The following CDH18 variants were observed in gnomAD, a reference collection of about 807,000 sequenced individuals.
The protein encoded by CDH18 is cadherin 18.
CDH18 carries 31 observed loss-of-function variants against 67.9 expected under a neutral mutation model. The observed-to-expected ratio is 0.46, with a 90% CI of 0.34 to 0.62. The LOEUF (loss-of-function observed/expected upper bound fraction) is 0.62. CDH18 is among the 20% of genes least tolerant of loss of function. The probability of loss-of-function intolerance (pLI) is 0.01; values close to 1 mark genes in which losing one functional copy is unlikely to be tolerated. For missense variants in CDH18, 890 were observed against 975.5 expected, an observed-to-expected ratio of 0.91 and a Z score of 1.17; for synonymous variants, 362 against 347.2, an observed-to-expected ratio of 1.04 and a Z score of -0.48.
intron 3 of CDH18, among the ~76,000 whole-genome samples, chr5:19,810,440 G>A (rs753241551): frequency 1.3e-5 from 2 of 151,964 alleles, no homozygotes; most frequent in Non-Finnish European, 2.9e-5. Flanking sequence ...AAGAGCATAG[G>A]ATAATGATTT....
rs540113127 is a variant in CDH18, at chr5:20,305,514, C to T, written c.-579-50009G>A. ...GTCTTGGGTGCCGCGAAACCCGGGG[C>T]GCAGCGGCGCAGGGGTCTCGAGCGG... On this transcript the variant is annotated intron_variant, in intron 1 of 14. Coordinates refer to the CDH18 transcript ENST00000507958. 4.2e-6 allele frequency: 4 copies of T among 959,040 alleles called. No individual in the cohort carries two copies. The South Asian group carries it at 5.2e-5, about 12-fold the overall frequency. The allele number at this position is 959,040 out of a possible 1,614,324, so 59.4% of individuals were successfully genotyped here.
chr5:19,588,088 G>A (rs999739390), intron 7 of CDH18, among the ~76,000 whole-genome samples: 1 of 151,912 alleles, frequency 6.6e-6, no homozygotes, highest in African/African-American at 2.4e-5. Flanking sequence ...TTTTAGGCTT[G>A]CCTATTGTTG....
At chr5:20,388,003 A>C (rs1041663426) in intron 1 of CDH18, among the ~76,000 whole-genome samples, 7 of 152,124 alleles carry the variant, frequency 4.6e-5, no homozygotes, top group Admixed American at 2.6e-4. Context: ...ATCGATGTTC[A>C]TCAGGGATAT....
intron 9 of CDH18, among the ~76,000 whole-genome samples, chr5:19,523,171 T>C (rs1747200423): frequency 6.6e-6 from 1 of 152,162 alleles, no homozygotes; most frequent in Admixed American, 6.6e-5. Context: ...ATTGATCTTA[T>C]GTTACACTTA....
chr5:20,363,952 A>G (rs1481391361), intron 1 of CDH18, among the ~76,000 whole-genome samples: 2 of 152,180 alleles, frequency 1.3e-5, no homozygotes, highest in Non-Finnish European at 2.9e-5. Flanking sequence ...TAAGATTCCA[A>G]AAGATTAAGT....
intron 2 of CDH18, among the ~76,000 whole-genome samples, chr5:19,913,073 G>GA (rs1791332950): frequency 6.6e-6 from 1 of 151,960 alleles, no homozygotes; most frequent in Non-Finnish European, 1.5e-5. Context: ...AAAGAATCAA[G>GA]AAAAATGATA....
intron 2 of CDH18, among the ~76,000 whole-genome samples, chr5:20,147,461 A>G (rs1252018057): frequency 6.6e-6 from 1 of 152,164 alleles, no homozygotes; most frequent in Non-Finnish European, 1.5e-5. Flanking sequence ...AAAACATAAA[A>G]TAACAGATAA....
At chr5:19,961,099 A>G (rs1316120743) in intron 2 of CDH18, among the ~76,000 whole-genome samples, 5 of 124,830 alleles carry the variant, frequency 4.0e-5, no homozygotes, top group African/African-American at 1.6e-4. Context: ...ACTACATTAT[A>G]ATTTTTTTTT....
At chr5:19,864,145 T>C (rs1392861126) in intron 2 of CDH18, among the ~76,000 whole-genome samples, 2 of 149,704 alleles carry the variant, frequency 1.3e-5, no homozygotes. Flanking sequence ...CCAACAATGA[T>C]AGACTGGATT....
At position 20,066,339 on chromosome 5, in the gene CDH18, C is replaced by A. The variant is rs79789942; in HGVS notation, c.-517-74325G>T. On this transcript the variant is annotated intron_variant, in intron 2 of 14. Coordinates refer to the CDH18 transcript ENST00000507958. ...TACTGATCTTGATACCAGAAAAACG[C>A]TACACTTTAGAATTACCTAATAATC... Among the ~76,000 whole-genome samples the A allele has an allele frequency of 5.9e-3, 893 of 152,160 alleles. 16 individuals are homozygous for A. The highest frequency in any genetic ancestry group is 0.019 in the African/African-American group (803 of 41,550).
intron 2 of CDH18, among the ~76,000 whole-genome samples, chr5:19,924,569 T>C (rs1792885562): frequency 6.6e-6 from 1 of 152,144 alleles, no homozygotes; most frequent in Non-Finnish European, 1.5e-5. Context: ...GTGATTGCAG[T>C]GAGCCCAGAT....
chr5:19,550,872 T>G (rs1554043860), intron 8 of CDH18, among the ~76,000 whole-genome samples: 1 of 152,188 alleles, frequency 6.6e-6, no homozygotes, highest in Non-Finnish European at 1.5e-5. Context: ...TAGTTTACAT[T>G]CCCACCAACA....
chr5:19,613,965 A>T (rs913901954), intron 5 of CDH18, among the ~76,000 whole-genome samples: 2 of 152,216 alleles, frequency 1.3e-5, no homozygotes, highest in Non-Finnish European at 1.5e-5. Context: ...GAAGCATGTC[A>T]TCTTTAATAA....
intron 2 of CDH18, among the ~76,000 whole-genome samples, chr5:20,044,055 TA>T (rs1490755230): frequency 6.6e-6 from 1 of 152,180 alleles, no homozygotes; most frequent in Non-Finnish European, 1.5e-5. Flanking sequence ...TTCCTGTACA[TA>T]ATAGGCACTA....
At chr5:20,099,748 T>A (rs1746296422) in intron 2 of CDH18, among the ~76,000 whole-genome samples, 1 of 152,134 alleles carries the variant, frequency 6.6e-6, no homozygotes, top group South Asian at 2.1e-4. Flanking sequence ...AGGAGAAAAG[T>A]GTTTTCTTAG....
chr5:19,878,261 C>T (rs1030862847), intron 2 of CDH18, among the ~76,000 whole-genome samples: 6 of 152,060 alleles, frequency 3.9e-5, no homozygotes, highest in Non-Finnish European at 5.9e-5. Flanking sequence ...GATTAGATTG[C>T]TAACTTTATA....
chr5:20,365,811 C>T (rs1032181289), intron 1 of CDH18, among the ~76,000 whole-genome samples: 1 of 151,940 alleles, frequency 6.6e-6, no homozygotes, highest in Non-Finnish European at 1.5e-5. Flanking sequence ...TTTTATTTAT[C>T]TGTCTTATTA....
chr5:19,480,468 C>G (rs141630838), intron 12 of CDH18, among the ~76,000 whole-genome samples: 26 of 151,884 alleles, frequency 1.7e-4, no homozygotes, highest in African/African-American at 5.8e-4. Context: ...AGCTCCGCCT[C>G]CCGGGCTCAC....
At chr5:20,227,244 G>A (rs962066909) in intron 2 of CDH18, among the ~76,000 whole-genome samples, 1 of 152,016 alleles carries the variant, frequency 6.6e-6, no homozygotes, top group Non-Finnish European at 1.5e-5. Flanking sequence ...CAAATTCAGA[G>A]GAGGGTCCAT....
Sources: allele counts gnomAD v4.1 joint callset (sites outside exome capture counted in the v4.1 genomes callset), GRCh38; gene constraint gnomAD v4.1.1; transcripts MANE v1.5; gene names NCBI Gene and HGNC (gene_info 2026-07-23, HGNC 2026-07-21).